The following XRCC3 variants were observed in gnomAD, a reference collection of about 807,000 sequenced individuals.
XRCC3 encodes the protein X-ray repair cross complementing 3, also known as DNA repair protein XRCC3.
In XRCC3, 34 loss-of-function variants were observed where a neutral mutation model predicts 29.2. The observed-to-expected ratio is 1.16, with a 90% CI of 0.88 to 1.55. XRCC3 has a LOEUF of 1.55. Among genes scored for constraint, XRCC3 ranks in the 40% most tolerant of loss-of-function variants. The pLI, the probability that XRCC3 is intolerant of heterozygous loss-of-function variation, is 0.00. For synonymous variants in XRCC3, 223 were observed against 211.3 expected (o/e 1.06, Z -0.48); for missense variants, 463 against 467.6 (o/e 0.99, Z 0.09).
At chr14:103,710,853 A>AACACACACACACACACACAC in intron 4 of XRCC3, 180 bp downstream of exon 4, 1 of 562,766 alleles carries the variant, frequency 1.8e-6, no homozygotes, top group Non-Finnish European at 3.2e-6. Flanking sequence ...TGTAGTTAAG[A>AACACACACACACACACACAC]ACACACACAC....
chr14:103,700,738 C>T (rs861537), intron 7 of XRCC3: 1,038,020 of 1,576,310 alleles, frequency 0.66, 348,635 homozygotes, highest in Non-Finnish European at 0.7. Flanking sequence ...GTGAGTCCCA[C>T]GGCCTGCAGC....
In XRCC3 at chr14:103,699,667, A is replaced by G; in HGVS notation, c.562-91T>C. 3.8e-6 allele frequency: 5 copies of G among 1,306,270 alleles called. No homozygotes were observed. In the East Asian group the frequency reaches 1.2e-4, roughly 31 times the overall value. The allele number at this position is 1,306,270 out of a possible 1,614,324, so 80.9% of individuals were successfully genotyped here. A position where few individuals can be genotyped will look rare whatever the true frequency, so the allele number is the denominator to read the frequency against. On this transcript the variant is annotated intron_variant, in intron 7 of 9. Transcript: ENST00000555055. ...TTTGGACTGTCACTCGACCGTCTGAAAACCTTCCTACCCACCTGGGGCTCA... is the reference window on the plus strand; with the variant it reads ...TTTGGACTGTCACTCGACCGTCTGAGAACCTTCCTACCCACCTGGGGCTCA...
Position 103,698,457 on chromosome 14 carries a change from G to A in XRCC3, c.*341C>T. On this transcript the variant is annotated 3_prime_UTR_variant, in exon 10 of 10. Transcript: ENST00000555055. ...CGCAACCCCAGTTGGGCTTCCATGT[G>A]GAGAGAAGAAGCAGGCGGCTCCCAG... 6 of 369,796 alleles carry A rather than the reference G, an allele frequency of 1.6e-5. No homozygotes were observed. The highest frequency in any genetic ancestry group is 1.4e-4 in the South Asian group (6 of 42,242). The allele number at this position is 369,796 out of a possible 1,614,324, so 22.9% of individuals were successfully genotyped here.
At chr14:103,705,357 A>T (rs1254899375) in intron 6 of XRCC3, 1 of 152,184 alleles carries the variant, frequency 6.6e-6, no homozygotes, top group Admixed American at 6.6e-5. Flanking sequence ...TGTTGGGGTG[A>T]CGTTATGTAG....
At chr14:103,709,097 C>A (rs555320142) in intron 4 of XRCC3, 3 of 335,014 alleles carry the variant, frequency 9.0e-6, no homozygotes, top group Non-Finnish European at 1.2e-5. Context: ...CTGGGCTGAG[C>A]CGCGGGAGAG....
At position 103,698,794 on chromosome 14, in the gene XRCC3, C is replaced by T. The variant is rs760585240; in HGVS notation, c.*4G>A. Reference sequence around the variant, plus strand: ...GGCAGGGCTGTTGTGCAGCCGCCACCGTGTCAGTGGGACTGGGTCCCAGGT... The same window carrying T: ...GGCAGGGCTGTTGTGCAGCCGCCACTGTGTCAGTGGGACTGGGTCCCAGGT... On this transcript the variant is annotated 3_prime_UTR_variant, in exon 10 of 10. Coordinates refer to ENST00000555055, the MANE Select transcript of XRCC3 (RefSeq NM_005432.4). 1.1e-4 allele frequency: 170 copies of T among 1,590,316 alleles called. No individual in the cohort carries two copies. The highest frequency in any genetic ancestry group is 5.8e-4 in the African/African-American group (43 of 74,498).
At chr14:103,715,220 G>A (rs1595683986) in intron 1 of XRCC3, among the ~76,000 whole-genome samples, 1 of 152,000 alleles carries the variant, frequency 6.6e-6, no homozygotes, top group Non-Finnish European at 1.5e-5. Flanking sequence ...GTGCCTGAAC[G>A]CTACCCGAGC....
At chr14:103,711,007 C>G in intron 4 of XRCC3, 26 bp downstream of exon 4, 1 of 1,613,440 alleles carries the variant, frequency 6.2e-7, no homozygotes, top group Non-Finnish European at 8.5e-7. Context: ...CACCCACACC[C>G]TTTATGTAAA....
chr14:103,699,661 G>T, intron 7 of XRCC3, 85 bp from the exon 8 acceptor site: 1 of 1,411,924 alleles, frequency 7.1e-7, no homozygotes, highest in Non-Finnish European at 9.9e-7. Context: ...TCACTCGACC[G>T]TCTGAAAACC....
Position 103,703,221 on chromosome 14 carries a change from C to T in XRCC3, c.513G>A (p.Gln171=), listed in dbSNP as rs1377110351. Residue 171 remains glutamine, a synonymous_variant, in exon 7 of 10, where the codon CAG becomes CAA. Transcript: ENST00000555055. ...LRTDVPGELL[Q]KLRFGSQIFI... ...AGATCTGGCTGCCAAATCGGAGCTTCTGAAGCAGCTCTCCTGGAACGTCAG... is the reference window on the plus strand; with the variant it reads ...AGATCTGGCTGCCAAATCGGAGCTTTTGAAGCAGCTCTCCTGGAACGTCAG... The T allele has an allele frequency of 1.9e-6, 3 of 1,568,106 alleles. No individual in the cohort carries two copies. The highest frequency in any genetic ancestry group is 2.6e-6 in the Non-Finnish European group (3 of 1,156,634).
chr14:103,706,628 C>T (rs757365306), intron 6 of XRCC3: 57 of 382,998 alleles, frequency 1.5e-4, no homozygotes, highest in South Asian at 8.3e-5. Flanking sequence ...GGCCTGGCGG[C>T]GGGGCACCCG....
intron 5 of XRCC3, 31 bp from the exon 6 acceptor site, chr14:103,707,246 T>A (rs1453580928): frequency 1.3e-6 from 2 of 1,546,742 alleles, no homozygotes; most frequent in East Asian, 4.9e-5. Context: ...CAGGCCTGAC[T>A]CTCCTGGGCC....
At chr14:103,703,559 A>G (rs1056005179) in intron 6 of XRCC3, 1 of 563,498 alleles carries the variant, frequency 1.8e-6, no homozygotes, top group Admixed American at 2.8e-5. Context: ...TCCACTTCTG[A>G]CACCCAGGCA....
chr14:103,703,294 G>T lies in XRCC3; in HGVS notation c.440C>A (p.Pro147Gln), dbSNP rs1305627468. The change falls in exon 7 of 10, where the codon CCG becomes CAG. Residue 147 changes from proline (P) to glutamine (Q), a missense_variant. Transcript: ENST00000555055. The part of the protein sequence containing the change: ...AVYICTEDAF[P>Q]HKRLQQLMAQ... The stretch of plus-strand genomic sequence containing the variant: ...CATGAGCTGCTGCAGGCGCTTGTGC[G>T]GGAAGGCGTCTTCCGTGCAGATGTA... 6.4e-7 allele frequency: 1 copy of T among 1,556,098 alleles called. No individual in the cohort carries two copies.
chr14:103,700,377 G>C, intron 7 of XRCC3: 1 of 404,052 alleles, frequency 2.5e-6, no homozygotes, highest in Non-Finnish European at 4.4e-6. Flanking sequence ...GTGGGTGCCA[G>C]AGCCATTGGC....
rs557269364 is a variant in XRCC3, at chr14:103,701,348, C to A, written c.562-1772G>T. 4 of 807,558 alleles carry A rather than the reference C, an allele frequency of 5.0e-6. No homozygotes were observed. The South Asian group carries it at 7.2e-5, about 15-fold the overall frequency. The allele number at this position is 807,558 out of a possible 1,614,324, so 50.0% of individuals were successfully genotyped here. On this transcript the variant is annotated intron_variant, in intron 7 of 9. Coordinates refer to ENST00000555055, the MANE Select transcript of XRCC3 (RefSeq NM_005432.4). ...GCGTCTGTGTGCATAGGACATGATA[C>A]TAATAACCACACGGCTGGCGTGACC...
chr14:103,709,134 T>C, intron 4 of XRCC3: 1 of 297,140 alleles, frequency 3.4e-6, no homozygotes, highest in South Asian at 3.1e-5. Flanking sequence ...AGGGGAGCGC[T>C]GGGAGGGTAG....
chr14:103,712,794 G>C (rs559910728), intron 2 of XRCC3, 81 bp downstream of exon 2: 1 of 152,552 alleles, frequency 6.6e-6, no homozygotes, highest in African/African-American at 2.4e-5. Context: ...GCACGTGGCT[G>C]CAACGTCTCC....
chr14:103,710,819 ATAAAAG>A (rs1429071314), intron 4 of XRCC3: 2 of 584,382 alleles, frequency 3.4e-6, no homozygotes, highest in Non-Finnish European at 6.1e-6. Flanking sequence ...TTTGATAAAA[ATAAAAG>A]TAACTGAAAG....
Sources: allele counts gnomAD v4.1 joint callset (sites outside exome capture counted in the v4.1 genomes callset), GRCh38; gene constraint gnomAD v4.1.1; transcripts MANE v1.5; gene names NCBI Gene and HGNC (gene_info 2026-07-23, HGNC 2026-07-21).